The following MACROD2 variants were observed in gnomAD, a reference collection of about 807,000 sequenced individuals.
The protein encoded by MACROD2 is mono-ADP ribosylhydrolase 2.
Under a neutral mutation model 70.4 loss-of-function variants are expected in MACROD2, and 36 were observed. That is an observed-to-expected ratio of 0.51 (90% confidence interval 0.39 to 0.68). The LOEUF (loss-of-function observed/expected upper bound fraction) is 0.68. Ranked by LOEUF, MACROD2 falls within the 30% of genes least tolerant of loss-of-function variation. The probability of loss-of-function intolerance (pLI) is 0.00; values close to 1 mark genes in which losing one functional copy is unlikely to be tolerated. For synonymous variants in MACROD2, 172 were observed against 178.8 expected (o/e 0.96, Z 0.30); for missense variants, 496 against 538.4 (o/e 0.92, Z 0.78).
chr20:15,904,872 C>A (rs555408307), intron 10 of MACROD2, among the ~76,000 whole-genome samples: 1 of 126,534 alleles, frequency 7.9e-6, no homozygotes, highest in South Asian at 2.5e-4. Context: ...AAGAGAGAGA[C>A]TCTGTCTCAA....
chr20:15,458,791 G>T (rs1217833925), intron 7 of MACROD2, among the ~76,000 whole-genome samples: 3 of 152,022 alleles, frequency 2.0e-5, no homozygotes, highest in African/African-American at 7.2e-5. Flanking sequence ...TCTGGACCTG[G>T]CAGATTTGGG....
chr20:14,397,142 G>C (rs1368306660), intron 3 of MACROD2, among the ~76,000 whole-genome samples: 3 of 151,432 alleles, frequency 2.0e-5, no homozygotes, highest in African/African-American at 7.3e-5. Context: ...CTACAGGCAT[G>C]TGCCACCACA....
intron 5 of MACROD2, among the ~76,000 whole-genome samples, chr20:15,027,544 ATGGTGG>A (rs1555775289): frequency 7.3e-6 from 1 of 136,890 alleles, no homozygotes; most frequent in Non-Finnish European, 1.7e-5. Context: ...GGTGGTAGTG[ATGGTGG>A]TGGTGGTGGG....
chr20:15,591,350 C>A (rs2048676980), intron 8 of MACROD2, among the ~76,000 whole-genome samples: 1 of 152,122 alleles, frequency 6.6e-6, no homozygotes, highest in African/African-American at 2.4e-5. Context: ...GGAATACTGG[C>A]TTTCCAGCTA....
intron 3 of MACROD2, chr20:14,352,505 A>G (rs893777402): frequency 7.9e-5 from 12 of 152,136 alleles, no homozygotes; most frequent in African/African-American, 2.9e-4. Flanking sequence ...GGTAAAACTG[A>G]TGGTTTATAG....
chr20:14,086,428 G>GT (rs1393105618), intron 3 of MACROD2, among the ~76,000 whole-genome samples: 2 of 152,316 alleles, frequency 1.3e-5, no homozygotes, highest in East Asian at 3.9e-4. Flanking sequence ...AAGTTAGGCT[G>GT]TTTGAAGTTT....
chr20:15,176,480 G>T (rs552791566), intron 5 of MACROD2, among the ~76,000 whole-genome samples: 52 of 152,224 alleles, frequency 3.4e-4, no homozygotes, highest in African/African-American at 1.2e-3. Flanking sequence ...CCCAGACTCA[G>T]CCAGACTTGA....
chr20:15,387,560 CTTCTCTTTT>C (rs1170740514), intron 6 of MACROD2, among the ~76,000 whole-genome samples: 5 of 150,580 alleles, frequency 3.3e-5, no homozygotes, highest in Non-Finnish European at 7.4e-5. Context: ...TTACATCTTT[CTTCTCTTTT>C]TTCTCCCCAC....
intron 5 of MACROD2, among the ~76,000 whole-genome samples, chr20:14,876,253 G>C (rs2073549555): frequency 3.7e-5 from 1 of 26,826 alleles, no homozygotes; most frequent in Admixed American, 3.9e-4. Flanking sequence ...CATATTTTTT[G>C]GCTGCTTTAT....
intron 3 of MACROD2, among the ~76,000 whole-genome samples, chr20:14,122,315 G>A (rs1463708177): frequency 6.6e-6 from 1 of 152,134 alleles, no homozygotes; most frequent in Admixed American, 6.6e-5. Flanking sequence ...GATTTTTAGA[G>A]TCCTTGTATG....
chr20:14,819,291 C>CA (rs935558128), intron 5 of MACROD2, among the ~76,000 whole-genome samples: 14 of 148,254 alleles, frequency 9.4e-5, no homozygotes, highest in South Asian at 8.5e-4. Flanking sequence ...CAAAAACAAA[C>CA]AAAAAACCCC....
At chr20:14,590,351 T>C (rs1250240309) in intron 4 of MACROD2, among the ~76,000 whole-genome samples, 1 of 152,176 alleles carries the variant, frequency 6.6e-6, no homozygotes, top group Non-Finnish European at 1.5e-5. Flanking sequence ...TAAAAATACT[T>C]ACTAGGTAAG....
chr20:14,231,649 A>G (rs1204488696), intron 3 of MACROD2, among the ~76,000 whole-genome samples: 2 of 152,206 alleles, frequency 1.3e-5, no homozygotes, highest in Non-Finnish European at 2.9e-5. Flanking sequence ...CTTTGGGTAT[A>G]TACCCAGTAA....
intron 5 of MACROD2, among the ~76,000 whole-genome samples, chr20:14,791,479 A>G (rs8183997): frequency 6.6e-6 from 1 of 152,156 alleles, no homozygotes; most frequent in Non-Finnish European, 1.5e-5. Flanking sequence ...GTCAAGAGAC[A>G]TGGATACTGC....
At chr20:15,224,959 TAAAAA>T (rs5840661) in intron 5 of MACROD2, among the ~76,000 whole-genome samples, 1 of 124,532 alleles carries the variant, frequency 8.0e-6, no homozygotes, top group African/African-American at 3.1e-5. Flanking sequence ...GACTTTGTCT[TAAAAA>T]AAAAAAAAAA....
At chr20:14,033,327 T>TA (rs2053268467) in intron 2 of MACROD2, among the ~76,000 whole-genome samples, 2 of 152,164 alleles carry the variant, frequency 1.3e-5, no homozygotes, top group Non-Finnish European at 2.9e-5. Context: ...ATGCCACTGT[T>TA]ACAGTTACAA....
intron 4 of MACROD2, chr20:14,626,948 G>T (rs1484606675): frequency 6.6e-6 from 1 of 152,228 alleles, no homozygotes; most frequent in East Asian, 1.9e-4. Flanking sequence ...AAGATAAGAA[G>T]AATTGGCAAG....
At chr20:14,369,714 T>A (rs2083305144) in intron 3 of MACROD2, among the ~76,000 whole-genome samples, 1 of 152,204 alleles carries the variant, frequency 6.6e-6, no homozygotes, top group African/African-American at 2.4e-5. Context: ...TTACCTTTTT[T>A]CTCTTATTTA....
At chr20:15,157,367 C>CG (rs1568606957) in intron 5 of MACROD2, among the ~76,000 whole-genome samples, 1 of 30,964 alleles carries the variant, frequency 3.2e-5, no homozygotes, top group African/African-American at 1.2e-4. Flanking sequence ...CCACCTCCCC[C>CG]CCCCCCGGCC....
Sources: allele counts gnomAD v4.1 joint callset (sites outside exome capture counted in the v4.1 genomes callset), GRCh38; gene constraint gnomAD v4.1.1; transcripts MANE v1.5; gene names NCBI Gene and HGNC (gene_info 2026-07-23, HGNC 2026-07-21).